The following AGBL4 variants were observed in gnomAD, a reference collection of about 807,000 sequenced individuals.
AGBL4 encodes the protein cytosolic carboxypeptidase 6.
AGBL4 carries 58 observed loss-of-function variants against 66.4 expected under a neutral mutation model. The observed-to-expected ratio is 0.87, with a 90% CI of 0.71 to 1.09. The LOEUF is 1.09. Ranked by LOEUF, AGBL4 falls within the 50% of genes least tolerant of loss-of-function variation. AGBL4 has a pLI of 0.00. For synonymous variants in AGBL4, 234 were observed against 222.9 expected (o/e 1.05, Z -0.44); for missense variants, 579 against 631.0 (o/e 0.92, Z 0.88).
At chr1:49,236,029 T>G (rs202073762) in intron 4 of AGBL4, among the ~76,000 whole-genome samples, 15 of 149,488 alleles carry the variant, frequency 1.0e-4, no homozygotes, top group South Asian at 2.1e-4. Context: ...TTTATTTATT[T>G]ATTGATGATT....
At chr1:48,921,429 C>T (rs991788364) in intron 5 of AGBL4, among the ~76,000 whole-genome samples, 5 of 152,002 alleles carry the variant, frequency 3.3e-5, no homozygotes, top group African/African-American at 9.7e-5. Context: ...TACAATAAAG[C>T]GATACGGTAG....
intron 11 of AGBL4, 82 bp downstream of exon 11, chr1:48,586,922 G>A (rs369412808): frequency 2.6e-6 from 4 of 1,558,392 alleles, no homozygotes; most frequent in Non-Finnish European, 1.8e-6. Context: ...CCTGAGCTGG[G>A]GGCCTAATTC....
intron 3 of AGBL4, among the ~76,000 whole-genome samples, chr1:49,465,211 AC>A (rs1646602760): frequency 2.0e-4 from 2 of 9,956 alleles, no homozygotes; most frequent in Non-Finnish European, 4.9e-4. Context: ...ACCCCTACAT[AC>A]ACACACACAC....
At chr1:49,039,896 TGAC>T (rs1643896315) in intron 5 of AGBL4, among the ~76,000 whole-genome samples, 2 of 151,998 alleles carry the variant, frequency 1.3e-5, no homozygotes, top group Non-Finnish European at 2.9e-5. Context: ...TCAAAAACAC[TGAC>T]AACACTAAAT....
In AGBL4 at chr1:50,023,805, T is replaced by C; in HGVS notation, c.-9A>G. 2 of 1,548,948 alleles carry C rather than the reference T, an allele frequency of 1.3e-6. No homozygotes were observed. Among genetic ancestry groups the C allele is most frequent in the Non-Finnish European group, 1.7e-6 (2 of 1,145,842 alleles). On this transcript the variant is annotated 5_prime_UTR_variant, in exon 1 of 14. Transcript: ENST00000371839. ...TGGCTCCCCTCCGCCATTTTTGTTGTCCCTCAGTCTCCGAGCTCACGCGAA... is the reference window on the plus strand; with the variant it reads ...TGGCTCCCCTCCGCCATTTTTGTTGCCCCTCAGTCTCCGAGCTCACGCGAA...
chr1:49,609,418 G>T (rs1645115055), intron 3 of AGBL4, among the ~76,000 whole-genome samples: 1 of 152,128 alleles, frequency 6.6e-6, no homozygotes, highest in African/African-American at 2.4e-5. Context: ...AAAAGATAGA[G>T]ATGGCTTATC....
chr1:48,666,828 G>C (rs1167321126), intron 6 of AGBL4, among the ~76,000 whole-genome samples: 1 of 152,174 alleles, frequency 6.6e-6, no homozygotes, highest in African/African-American at 2.4e-5. Flanking sequence ...TAGCAATTAA[G>C]TAATATTTAT....
At chr1:49,734,426 G>C (rs566690045) in intron 2 of AGBL4, among the ~76,000 whole-genome samples, 13 of 151,990 alleles carry the variant, frequency 8.6e-5, no homozygotes, top group Admixed American at 3.3e-4. Context: ...AAAGTACGGA[G>C]ACTAATAAGC....
At chr1:49,841,881 C>G in intron 2 of AGBL4, 2 of 613,666 alleles carry the variant, frequency 3.3e-6, no homozygotes, top group East Asian at 4.0e-5. Flanking sequence ...CTGCCAGAAG[C>G]CAGGGCATGA....
At chr1:49,429,099 A>G (rs1366350041) in intron 3 of AGBL4, among the ~76,000 whole-genome samples, 1 of 152,202 alleles carries the variant, frequency 6.6e-6, no homozygotes, top group East Asian at 1.9e-4. Flanking sequence ...AATCTTTCCA[A>G]TAGTGTTCTA....
At chr1:49,789,566 A>G (rs1178286562) in intron 2 of AGBL4, among the ~76,000 whole-genome samples, 2 of 152,216 alleles carry the variant, frequency 1.3e-5, no homozygotes, top group African/African-American at 4.8e-5. Flanking sequence ...CCAATTCATG[A>G]GTGAACTCCC....
At chr1:49,092,300 A>G (rs1411877411) in intron 4 of AGBL4, among the ~76,000 whole-genome samples, 1 of 152,168 alleles carries the variant, frequency 6.6e-6, no homozygotes, top group African/African-American at 2.4e-5. Flanking sequence ...AATGTTTTAG[A>G]GTGTGTAAAC....
chr1:49,687,871 A>G (rs1173137562), intron 3 of AGBL4, among the ~76,000 whole-genome samples: 1 of 152,204 alleles, frequency 6.6e-6, no homozygotes, highest in African/African-American at 2.4e-5. Flanking sequence ...CAAATTCATT[A>G]AGCTAACCAT....
At chr1:49,387,544 T>C (rs1410087867) in intron 3 of AGBL4, among the ~76,000 whole-genome samples, 1 of 151,930 alleles carries the variant, frequency 6.6e-6, no homozygotes. Flanking sequence ...TTTTAAGTAA[T>C]GAACTAATAG....
intron 4 of AGBL4, among the ~76,000 whole-genome samples, chr1:49,159,041 T>C (rs1419955093): frequency 6.6e-6 from 1 of 151,264 alleles, no homozygotes; most frequent in African/African-American, 2.4e-5. Context: ...TGTCTTTTAA[T>C]TGGGGCATTT....
Position 48,913,061 on chromosome 1 carries a change from G to C in AGBL4, c.595-45831C>G, listed in dbSNP as rs77970483. The stretch of plus-strand genomic sequence containing the variant: ...CAAGATGCATTCAAATAACTATGAA[G>C]TTTTATATCACTACAGGAAGAAATG... On this transcript the variant is annotated intron_variant, in intron 5 of 13. Coordinates refer to ENST00000371839, the MANE Select transcript of AGBL4 (RefSeq NM_032785.4). Among the ~76,000 whole-genome samples the C allele has an allele frequency of 2.1e-4, 32 of 152,226 alleles. No homozygotes were observed. The East Asian group carries it at 6.0e-3, about 29-fold the overall frequency.
chr1:49,725,225 C>T (rs1047347084), intron 2 of AGBL4, among the ~76,000 whole-genome samples: 3 of 152,132 alleles, frequency 2.0e-5, no homozygotes, highest in African/African-American at 4.8e-5. Context: ...ATATGTATCT[C>T]TCTGAATTAC....
intron 2 of AGBL4, among the ~76,000 whole-genome samples, chr1:49,784,601 T>C (rs10888669): frequency 0.52 from 78,461 of 151,730 alleles, 21,612 homozygotes; most frequent in Non-Finnish European, 0.62. Context: ...GCAATAATTT[T>C]TCAATGTCAC....
intron 3 of AGBL4, among the ~76,000 whole-genome samples, chr1:49,458,266 C>T (rs188993262): frequency 6.6e-6 from 1 of 151,756 alleles, no homozygotes; most frequent in Non-Finnish European, 1.5e-5. Context: ...AGGTCTTTCA[C>T]CTCCTTGTTT....
Sources: allele counts gnomAD v4.1 joint callset (sites outside exome capture counted in the v4.1 genomes callset), GRCh38; gene constraint gnomAD v4.1.1; transcripts MANE v1.5; gene names NCBI Gene and HGNC (gene_info 2026-07-23, HGNC 2026-07-21).